Variants in LRRTM4 observed in about 807,000 individuals in gnomAD.
LRRTM4 encodes leucine-rich repeat transmembrane neuronal protein 4.
A neutral mutation model predicts 47.6 loss-of-function variants in LRRTM4; 25 were observed. The observed-to-expected ratio is 0.53, with a 90% CI of 0.38 to 0.73. The LOEUF (loss-of-function observed/expected upper bound fraction) is 0.73, where lower values mean the gene tolerates loss of function less well. Among genes scored for constraint, LRRTM4 ranks in the 30% least tolerant of loss-of-function variants. LRRTM4 has a pLI of 0.00. For synonymous variants in LRRTM4, 311 were observed against 269.5 expected, an observed-to-expected ratio of 1.15 and a Z score of -1.51; for missense variants, 638 against 713.4, an observed-to-expected ratio of 0.89 and a Z score of 1.20.
At position 77,268,007 on chromosome 2, in the gene LRRTM4, T is replaced by C. The variant is rs912273551; in HGVS notation, c.1551+250311A>G. 2.0e-5 allele frequency among the ~76,000 whole-genome samples: 3 copies of C among 152,176 alleles called. No individual in the cohort carries two copies. In the South Asian group the frequency reaches 6.2e-4, roughly 31 times the overall value. On this transcript the variant is annotated intron_variant, in intron 3 of 3. Coordinates refer to ENST00000409884, the MANE Select transcript of LRRTM4 (RefSeq NM_001134745.3). ...CAGCTTCCTTTAACAGCTCATTTTC[T>C]TCACTGTCTCGTTTTTCTTTCATAA...
chr2:76,915,120 T>C (rs897888803), intron 3 of LRRTM4, among the ~76,000 whole-genome samples: 1 of 152,324 alleles, frequency 6.6e-6, no homozygotes, highest in South Asian at 2.1e-4. Flanking sequence ...TTACTTGCTA[T>C]ATGCAAGAAA....
intron 3 of LRRTM4, among the ~76,000 whole-genome samples, chr2:77,253,735 G>T (rs1675684874): frequency 6.6e-6 from 1 of 152,032 alleles, no homozygotes; most frequent in East Asian, 1.9e-4. Flanking sequence ...TGAAGAAATA[G>T]AATATATAAA....
At chr2:76,902,306 C>A (rs915374169) in intron 3 of LRRTM4, among the ~76,000 whole-genome samples, 1 of 152,040 alleles carries the variant, frequency 6.6e-6, no homozygotes, top group African/African-American at 2.4e-5. Context: ...TGTGTTTTTC[C>A]CTTTTTTATC....
chr2:76,787,461 G>A (rs1236066143), intron 3 of LRRTM4, among the ~76,000 whole-genome samples: 4 of 151,952 alleles, frequency 2.6e-5, no homozygotes, highest in African/African-American at 4.8e-5. Context: ...TAAGCCCATT[G>A]TCTACTAAGG....
intron 3 of LRRTM4, among the ~76,000 whole-genome samples, chr2:76,985,127 A>G (rs1028241732): frequency 6.6e-6 from 1 of 151,988 alleles, no homozygotes; most frequent in Non-Finnish European, 1.5e-5. Context: ...GGAATTCTTT[A>G]TCTTCTATCA....
chr2:77,386,149 AC>A (rs1038380975), intron 3 of LRRTM4, among the ~76,000 whole-genome samples: 1 of 116,694 alleles, frequency 8.6e-6, no homozygotes, highest in African/African-American at 3.3e-5. Context: ...AAAATCATCC[AC>A]AAAAATAATC....
chr2:77,079,172 G>A (rs1680445816), intron 3 of LRRTM4, among the ~76,000 whole-genome samples: 1 of 152,092 alleles, frequency 6.6e-6, no homozygotes, highest in Non-Finnish European at 1.5e-5. Flanking sequence ...CTGACATAAG[G>A]GAAACTGTTT....
At chr2:77,249,676 G>C (rs997913201) in intron 3 of LRRTM4, among the ~76,000 whole-genome samples, 1 of 152,164 alleles carries the variant, frequency 6.6e-6, no homozygotes, top group Admixed American at 6.5e-5. Flanking sequence ...CCAAATGCTG[G>C]CAGGAATGTG....
At chr2:77,400,064 C>T (rs13407647) in intron 3 of LRRTM4, among the ~76,000 whole-genome samples, 4,264 of 151,920 alleles carry the variant, frequency 0.028, 75 homozygotes, top group South Asian at 0.065. Flanking sequence ...TCCCCTCCAC[C>T]TCACCACCCT....
chr2:77,199,719 G>A (rs1436141741), intron 3 of LRRTM4, among the ~76,000 whole-genome samples: 1 of 152,074 alleles, frequency 6.6e-6, no homozygotes, highest in Non-Finnish European at 1.5e-5. Flanking sequence ...ATGCTGTCAT[G>A]TTAGTACACT....
chr2:76,840,410 A>C (rs1257562822), intron 3 of LRRTM4, among the ~76,000 whole-genome samples: 1 of 152,238 alleles, frequency 6.6e-6, no homozygotes, highest in Admixed American at 6.5e-5. Context: ...TTCTGAGAAC[A>C]TGCCTCTTGG....
At chr2:76,795,220 TAATGAA>T (rs1439182211) in intron 3 of LRRTM4, among the ~76,000 whole-genome samples, 3 of 143,420 alleles carry the variant, frequency 2.1e-5, no homozygotes, top group Non-Finnish European at 4.4e-5. Context: ...GAAATTAAAT[TAATGAA>T]AAGTGTGTTT....
chr2:77,325,551 T>C (rs1573255856), intron 3 of LRRTM4, among the ~76,000 whole-genome samples: 1 of 152,080 alleles, frequency 6.6e-6, no homozygotes. Context: ...GAGAGAACGG[T>C]CAAGACTCCT....
At chr2:77,337,776 A>G (rs1671220081) in intron 3 of LRRTM4, among the ~76,000 whole-genome samples, 1 of 152,156 alleles carries the variant, frequency 6.6e-6, no homozygotes, top group African/African-American at 2.4e-5. Context: ...GAATGAACTA[A>G]TGCAGAGCCT....
At chr2:76,942,623 T>C (rs751594640) in intron 3 of LRRTM4, among the ~76,000 whole-genome samples, 13 of 151,828 alleles carry the variant, frequency 8.6e-5, no homozygotes, top group Non-Finnish European at 1.6e-4. Context: ...ACTGGTTCTA[T>C]GTTTTACTAT....
At chr2:77,213,268 A>G (rs950299626) in intron 3 of LRRTM4, among the ~76,000 whole-genome samples, 2 of 152,122 alleles carry the variant, frequency 1.3e-5, no homozygotes, top group African/African-American at 4.8e-5. Flanking sequence ...GAACATTGCC[A>G]AGTTGACAGC....
At chr2:76,807,703 T>C (rs1208278774) in intron 3 of LRRTM4, among the ~76,000 whole-genome samples, 1 of 150,994 alleles carries the variant, frequency 6.6e-6, no homozygotes, top group Non-Finnish European at 1.5e-5. Flanking sequence ...GAGATTCTTC[T>C]GCCTCAGCCT....
intron 3 of LRRTM4, among the ~76,000 whole-genome samples, chr2:76,973,384 A>G (rs1261368382): frequency 2.0e-5 from 3 of 152,010 alleles, no homozygotes; most frequent in East Asian, 1.9e-4. Flanking sequence ...ATATTCTTAT[A>G]TGGGGGAAAT....
At chr2:77,237,885 T>G (rs868215788) in intron 3 of LRRTM4, among the ~76,000 whole-genome samples, 1 of 152,050 alleles carries the variant, frequency 6.6e-6, no homozygotes, top group African/African-American at 2.4e-5. Context: ...CAAAATAAAA[T>G]AACAACCCTA....
Sources: allele counts gnomAD v4.1 joint callset (sites outside exome capture counted in the v4.1 genomes callset), GRCh38; gene constraint gnomAD v4.1.1; transcripts MANE v1.5; gene names NCBI Gene and HGNC (gene_info 2026-07-23, HGNC 2026-07-21).